BTBD9: variants seen among roughly 807,000 people sequenced by gnomAD.
BTBD9 encodes the protein BTB/POZ domain-containing protein 9.
BTBD9 carries 49 observed loss-of-function variants against 64.3 expected under a neutral mutation model. The ratio of observed to expected loss-of-function variants is 0.76; its 90% CI spans 0.61 to 0.97. The LOEUF (loss-of-function observed/expected upper bound fraction) is 0.97, where lower values mean the gene tolerates loss of function less well. Ranked by LOEUF, BTBD9 falls within the 50% of genes least tolerant of loss-of-function variation. The probability of loss-of-function intolerance (pLI) is 0.00; values close to 1 mark genes in which losing one functional copy is unlikely to be tolerated. For synonymous variants in BTBD9, 260 were observed against 274.7 expected, an observed-to-expected ratio of 0.95 and a Z score of 0.53; for missense variants, 598 against 762.1, an observed-to-expected ratio of 0.78 and a Z score of 2.53.
chr6:38,426,066 A>C (rs2127286310), intron 6 of BTBD9, among the ~76,000 whole-genome samples: 1 of 152,010 alleles, frequency 6.6e-6, no homozygotes, highest in East Asian at 1.9e-4. Flanking sequence ...ATGGACCTCC[A>C]GGTGGAGAGG....
At chr6:38,382,575 T>C (rs1000654385) in intron 6 of BTBD9, among the ~76,000 whole-genome samples, 1 of 134,270 alleles carries the variant, frequency 7.4e-6, no homozygotes, top group Admixed American at 7.2e-5. Context: ...GAAATAATAA[T>C]GATCAGAGCA....
chr6:38,532,464 G>A (rs376320093), intron 6 of BTBD9, among the ~76,000 whole-genome samples: 5 of 152,258 alleles, frequency 3.3e-5, no homozygotes, highest in East Asian at 3.9e-4. Flanking sequence ...AGCTAAGGAG[G>A]TGTTTTCGCC....
intron 7 of BTBD9, among the ~76,000 whole-genome samples, chr6:38,309,406 G>A (rs1436609645): frequency 2.0e-5 from 3 of 151,088 alleles, no homozygotes; most frequent in Non-Finnish European, 3.0e-5. Flanking sequence ...AAAAAACCAC[G>A]AAAAAGTGGT....
intron 10 of BTBD9, among the ~76,000 whole-genome samples, chr6:38,186,289 G>C (rs964923173): frequency 5.9e-5 from 9 of 152,106 alleles, no homozygotes; most frequent in Non-Finnish European, 1.0e-4. Flanking sequence ...TAAAGGGCTG[G>C]AAGATAACCT....
chr6:38,281,105 T>TA (rs1761497800), intron 8 of BTBD9, among the ~76,000 whole-genome samples: 2 of 152,212 alleles, frequency 1.3e-5, no homozygotes, highest in African/African-American at 2.4e-5. Context: ...CCAATTCCTC[T>TA]ACCCACCCTT....
At chr6:38,279,584 G>A (rs1761424011) in intron 8 of BTBD9, among the ~76,000 whole-genome samples, 2 of 152,078 alleles carry the variant, frequency 1.3e-5, no homozygotes, top group African/African-American at 4.8e-5. Flanking sequence ...GCTTCTGTTA[G>A]CCCTCATGAG....
At chr6:38,610,922 G>A (rs181687425) in intron 1 of BTBD9, among the ~76,000 whole-genome samples, 1 of 150,038 alleles carries the variant, frequency 6.7e-6, no homozygotes, top group South Asian at 2.2e-4. Context: ...CGGGGTGGGG[G>A]GGGGACTAAA....
In BTBD9 at chr6:38,573,615, TTC is replaced by T. The variant is rs1005246650; in HGVS notation, c.1154+3983_1154+3984del. 2.6e-5 allele frequency among the ~76,000 whole-genome samples: 4 copies of T among 152,190 alleles called. No homozygotes were observed. In the East Asian group the frequency reaches 5.8e-4, roughly 22 times the overall value. On this transcript the variant is annotated intron_variant, in intron 6 of 10. Coordinates refer to ENST00000481247, the MANE Select transcript of BTBD9 (RefSeq NM_001099272.2). ...GAACGTTGCTTTTAGCCCTGCTTTC[TTC>T]TCTCTCAACTCCCAGGTTTTAGACC...
chr6:38,622,996 A>G lies in BTBD9; in HGVS notation c.-28+16804T>C, dbSNP rs188960369. Among the ~76,000 whole-genome samples, 60 of 152,236 alleles carry G rather than the reference A, an allele frequency of 3.9e-4. 1 individual carries two copies. The highest frequency in any genetic ancestry group is 1.3e-3 in the African/African-American group (54 of 41,544). ...TAGATACAAAACAGTTTTTTCTCCA[A>G]TGGGAAAACAGAACACAGGGAGCCA... is the stretch of plus-strand genomic sequence containing the variant. On this transcript the variant is annotated intron_variant, in intron 1 of 10. Coordinates refer to ENST00000481247, the MANE Select transcript of BTBD9 (RefSeq NM_001099272.2).
intron 7 of BTBD9, among the ~76,000 whole-genome samples, chr6:38,301,120 T>C (rs1356208120): frequency 1.3e-5 from 2 of 152,256 alleles, no homozygotes; most frequent in South Asian, 2.1e-4. Context: ...GACATAATCA[T>C]GTAGTTTTCG....
intron 6 of BTBD9, among the ~76,000 whole-genome samples, chr6:38,398,005 G>A (rs1766758205): frequency 6.6e-6 from 1 of 152,146 alleles, no homozygotes. Context: ...AAACTGCATG[G>A]GCACAGAGTG....
intron 10 of BTBD9, among the ~76,000 whole-genome samples, chr6:38,181,499 C>T (rs1172189542): frequency 1.3e-5 from 2 of 152,224 alleles, no homozygotes; most frequent in Non-Finnish European, 2.9e-5. Flanking sequence ...CGTTCAGTGA[C>T]ATAACAGATC....
chr6:38,520,052 T>C (rs551472834), intron 6 of BTBD9, among the ~76,000 whole-genome samples: 6 of 152,202 alleles, frequency 3.9e-5, no homozygotes, highest in African/African-American at 1.4e-4. Context: ...ACTATATGTA[T>C]AAAACTATAT....
intron 9 of BTBD9, among the ~76,000 whole-genome samples, chr6:38,194,845 T>TGGGGAGGCA (rs1762221863): frequency 2.0e-5 from 3 of 151,972 alleles, no homozygotes; most frequent in Non-Finnish European, 4.4e-5. Context: ...TGCTTCTGCA[T>TGGGGAGGCA]GGGGAGGCAG....
At chr6:38,205,204 G>C (rs1020238178) in intron 9 of BTBD9, among the ~76,000 whole-genome samples, 1 of 152,112 alleles carries the variant, frequency 6.6e-6, no homozygotes, top group African/African-American at 2.4e-5. Flanking sequence ...CACATATGAA[G>C]GACATAAGAT....
chr6:38,192,054 T>C (rs1459161558), intron 10 of BTBD9, among the ~76,000 whole-genome samples: 1 of 152,232 alleles, frequency 6.6e-6, no homozygotes, highest in Non-Finnish European at 1.5e-5. Context: ...ACCCATCATT[T>C]CCTATGCTGC....
chr6:38,608,300 G>A (rs1438526831), intron 1 of BTBD9, among the ~76,000 whole-genome samples: 2 of 152,098 alleles, frequency 1.3e-5, no homozygotes, highest in African/African-American at 4.8e-5. Flanking sequence ...AAAACTGCAT[G>A]ATCTGTATTC....
chr6:38,401,125 C>A, intron 6 of BTBD9, among the ~76,000 whole-genome samples: 1 of 152,162 alleles, frequency 6.6e-6, no homozygotes, highest in Non-Finnish European at 1.5e-5. Flanking sequence ...GAATTGTAAT[C>A]CCCACATGTC....
chr6:38,400,593 C>T (rs1205193236), intron 6 of BTBD9, among the ~76,000 whole-genome samples: 2 of 152,122 alleles, frequency 1.3e-5, no homozygotes, highest in African/African-American at 4.8e-5. Context: ...TCTGACCAAT[C>T]CTTCTCAGGT....
Sources: allele counts gnomAD v4.1 joint callset (sites outside exome capture counted in the v4.1 genomes callset), GRCh38; gene constraint gnomAD v4.1.1; transcripts MANE v1.5; gene names NCBI Gene and HGNC (gene_info 2026-07-23, HGNC 2026-07-21).